AVEN: variants seen among roughly 807,000 people sequenced by gnomAD.
The protein encoded by AVEN is apoptosis and caspase activation inhibitor.
A neutral mutation model predicts 38.1 loss-of-function variants in AVEN; 41 were observed. That is an observed-to-expected ratio of 1.08 (90% CI 0.84 to 1.40). The LOEUF (loss-of-function observed/expected upper bound fraction) is 1.40, where lower values mean the gene tolerates loss of function less well. Ranked by LOEUF, AVEN falls within the 40% of genes most tolerant of loss-of-function variation. The pLI is 0.00. For synonymous variants in AVEN, 206 were observed against 171.8 expected, an observed-to-expected ratio of 1.20 and a Z score of -1.56; for missense variants, 605 against 438.8, an observed-to-expected ratio of 1.38 and a Z score of -3.38.
At chr15:33,992,898 T>G (rs1896788938) in intron 2 of AVEN, among the ~76,000 whole-genome samples, 1 of 152,202 alleles carries the variant, frequency 6.6e-6, no homozygotes, top group South Asian at 2.1e-4. Flanking sequence ...GAAGAAAATA[T>G]ATAATAGTTT....
At chr15:33,862,071 C>G (rs1430573961), downstream of AVEN, among the ~76,000 whole-genome samples, 4 of 151,952 alleles carry the variant, frequency 2.6e-5, no homozygotes, top group South Asian at 2.1e-4. Context: ...AAACTTAAAA[C>G]AGAATGTATA....
intron 2 of AVEN, among the ~76,000 whole-genome samples, chr15:34,069,450 C>T (rs1165128399): frequency 1.3e-5 from 2 of 152,082 alleles, no homozygotes; most frequent in Admixed American, 6.6e-5. Flanking sequence ...GACTTCATCT[C>T]TAAAAATAAA....
chr15:33,928,998 C>A (rs76051308), intron 2 of AVEN, among the ~76,000 whole-genome samples: 3 of 152,094 alleles, frequency 2.0e-5, no homozygotes, highest in Non-Finnish European at 4.4e-5. Flanking sequence ...CTAATCATAA[C>A]GGCCTCAAGA....
At chr15:33,869,903 TCATCAATTATCACTTCATCC>T (rs1890862442) in intron 4 of AVEN, among the ~76,000 whole-genome samples, 1 of 151,964 alleles carries the variant, frequency 6.6e-6, no homozygotes, top group Non-Finnish European at 1.5e-5. Context: ...CTCTCTTAGT[TCATCAATTATCACTTCATCC>T]TGTTATCTCC....
chr15:33,861,790 G>C (rs1377578513), downstream of AVEN, among the ~76,000 whole-genome samples: 1 of 152,040 alleles, frequency 6.6e-6, no homozygotes, highest in Non-Finnish European at 1.5e-5. Context: ...GGATATTTTT[G>C]GGCATGTCTG....
intron 2 of AVEN, among the ~76,000 whole-genome samples, chr15:33,963,796 C>CAAAAAAAAAA (rs57116335): frequency 8.9e-6 from 1 of 112,488 alleles, no homozygotes. Context: ...GACTCTGTCT[C>CAAAAAAAAAA]AAAAAAAAAA....
At chr15:33,978,663 AAAAT>A (rs1211263683) in intron 2 of AVEN, among the ~76,000 whole-genome samples, 2 of 151,956 alleles carry the variant, frequency 1.3e-5, no homozygotes, top group African/African-American at 2.4e-5. Flanking sequence ...ACTCTGTTTC[AAAAT>A]AAATAAATAA....
intron 2 of AVEN, among the ~76,000 whole-genome samples, chr15:33,906,196 G>A (rs761165618): frequency 6.6e-6 from 1 of 152,142 alleles, no homozygotes; most frequent in Non-Finnish European, 1.5e-5. Flanking sequence ...TGGAATGGGT[G>A]GAGGGAGGGA....
intron 1 of AVEN, among the ~76,000 whole-genome samples, chr15:34,016,338 T>C (rs1176830976): frequency 6.6e-6 from 1 of 152,194 alleles, no homozygotes; most frequent in East Asian, 1.9e-4. Flanking sequence ...CAACAGACTT[T>C]TAAAAATCTT....
chr15:33,901,441 C>T (rs930750359), intron 2 of AVEN, among the ~76,000 whole-genome samples: 7 of 152,194 alleles, frequency 4.6e-5, no homozygotes, highest in Non-Finnish European at 7.4e-5. Flanking sequence ...TCCATATCTT[C>T]GCTCTTGTGA....
At chr15:34,067,464 G>T (rs1234901568) in intron 2 of AVEN, 1 of 152,168 alleles carries the variant, frequency 6.6e-6, no homozygotes. Context: ...CCGCACAGTG[G>T]TCCAATGCAG....
intron 2 of AVEN, among the ~76,000 whole-genome samples, chr15:33,987,873 G>C (rs1896545454): frequency 6.6e-6 from 1 of 152,196 alleles, no homozygotes. Flanking sequence ...CTGGCCCCAT[G>C]GAAAACCCTA....
intron 2 of AVEN, among the ~76,000 whole-genome samples, chr15:33,878,804 G>C (rs1891359679): frequency 1.3e-5 from 2 of 152,210 alleles, no homozygotes; most frequent in East Asian, 1.9e-4. Context: ...GAAAAGGGGA[G>C]AATATATGAA....
intron 2 of AVEN, among the ~76,000 whole-genome samples, chr15:34,069,555 G>A (rs569739389): frequency 6.6e-4 from 101 of 152,226 alleles, no homozygotes; most frequent in Non-Finnish European, 1.2e-3. Flanking sequence ...ATCACAATGC[G>A]TTACTATGTT....
rs146729327 is a variant in AVEN at position 33,859,502 on chromosome 15, T to G, written n.2730-408A>C. On this transcript the variant is annotated intron_variant and non_coding_transcript_variant, in intron 11 of 11. Coordinates refer to the AVEN transcript ENST00000675287. The stretch of plus-strand genomic sequence containing the variant: ...GCTGCCACAATCTGACCGAATCATA[T>G]GAATGATCTGAGCATCTTGCTAAAA... The G allele has an allele frequency of 1.2e-4, 190 of 1,548,058 alleles. No individual in the cohort carries two copies. The East Asian group carries it at 2.1e-3, about 17-fold the overall frequency.
intron 4 of AVEN, among the ~76,000 whole-genome samples, chr15:33,869,261 G>T (rs1004392158): frequency 6.6e-6 from 1 of 152,186 alleles, no homozygotes; most frequent in East Asian, 1.9e-4. Context: ...TGCAAACAAG[G>T]TAGAGAATAC....
At chr15:33,944,515 T>A (rs1471080938) in intron 2 of AVEN, among the ~76,000 whole-genome samples, 1 of 152,070 alleles carries the variant, frequency 6.6e-6, no homozygotes, top group African/African-American at 2.4e-5. Flanking sequence ...TAAATTTTTT[T>A]AAAAACACTC....
At chr15:34,038,651 C>G in intron 1 of AVEN, 129 bp downstream of exon 1, 8 of 863,320 alleles carry the variant, frequency 9.3e-6, no homozygotes, top group Non-Finnish European at 1.2e-5. Flanking sequence ...GCCCGTCCCG[C>G]GCAGGCGCCG....
At chr15:33,872,762 T>C (rs905750125) in intron 3 of AVEN, among the ~76,000 whole-genome samples, 20 of 152,156 alleles carry the variant, frequency 1.3e-4, no homozygotes, top group African/African-American at 3.9e-4. Flanking sequence ...TAAATCTGTT[T>C]GTTCACCCAG....
Sources: allele counts gnomAD v4.1 joint callset (sites outside exome capture counted in the v4.1 genomes callset), GRCh38; gene constraint gnomAD v4.1.1; transcripts MANE v1.5; gene names NCBI Gene and HGNC (gene_info 2026-07-23, HGNC 2026-07-21).